Variants in MCCC1 observed in about 807,000 individuals in gnomAD.
The protein encoded by MCCC1 is methylcrotonyl-CoA carboxylase subunit 1, also known as methylcrotonoyl-CoA carboxylase subunit alpha, mitochondrial.
Under a neutral mutation model 83.8 loss-of-function variants are expected in MCCC1, and 64 were observed. The ratio of observed to expected loss-of-function variants is 0.76; its 90% CI spans 0.62 to 0.94. MCCC1 has a LOEUF of 0.94. Among genes scored for constraint, MCCC1 ranks in the 40% least tolerant of loss-of-function variants. The probability of loss-of-function intolerance (pLI) is 0.00; values close to 1 mark genes in which losing one functional copy is unlikely to be tolerated. For synonymous variants in MCCC1, 322 were observed against 315.4 expected, an observed-to-expected ratio of 1.02 and a Z score of -0.22; for missense variants, 807 against 904.7, an observed-to-expected ratio of 0.89 and a Z score of 1.39.
chr3:183,091,541 C>G (rs191402362), intron 3 of MCCC1, among the ~76,000 whole-genome samples: 2 of 152,070 alleles, frequency 1.3e-5, no homozygotes, highest in Non-Finnish European at 2.9e-5. Context: ...ACACTCCAGC[C>G]TGGGCAACAG....
chr3:183,060,682 G>A (rs904636723), intron 7 of MCCC1, among the ~76,000 whole-genome samples: 16 of 151,942 alleles, frequency 1.1e-4, no homozygotes, highest in African/African-American at 3.1e-4. Flanking sequence ...CCATTAACTC[G>A]TCATTTACAT....
Position 183,064,684 on chromosome 3 carries a change from T to G in MCCC1, c.761+6315A>C, listed in dbSNP as rs1202930917. On this transcript the variant is annotated intron_variant, in intron 7 of 18. Transcript: ENST00000265594. The surrounding 1 kb of genome is among the most constrained non-coding windows in gnomAD (Gnocchi z 4.5). ...GCCACACTGCCTCGGCCGACCCACG[T>G]CCTGGCATGGCTGCTGGGCCCACGG... 6.6e-6 allele frequency among the ~76,000 whole-genome samples: 1 copy of G among 152,208 alleles called. No homozygotes were observed. Among genetic ancestry groups the G allele is most frequent in the African/African-American group, 2.4e-5 (1 of 41,466 alleles).
intron 4 of MCCC1, among the ~76,000 whole-genome samples, chr3:183,084,998 G>C (rs1478622138): frequency 6.6e-6 from 1 of 152,130 alleles, no homozygotes; most frequent in Non-Finnish European, 1.5e-5. Context: ...CTTCCCTTAG[G>C]AAAGCACAAA....
chr3:183,114,737 G>A (rs551972149), intron 1 of MCCC1, among the ~76,000 whole-genome samples: 37 of 152,238 alleles, frequency 2.4e-4, no homozygotes, highest in African/African-American at 8.2e-4. Flanking sequence ...AAATTGCCTC[G>A]GTTCTGGAAA....
At chr3:183,076,555 TA>T (rs1297615482) in intron 4 of MCCC1, among the ~76,000 whole-genome samples, 95 of 152,360 alleles carry the variant, frequency 6.2e-4, no homozygotes, top group African/African-American at 2.2e-3. Flanking sequence ...TTGGTCCTAA[TA>T]TGGTAAGAAT....
In MCCC1 at chr3:183,015,385, C is replaced by T. The variant is rs1478332934; in HGVS notation, c.*53G>A. ...CCCAGAAAAGCTGGAGGCACTTCCTCTTTTTGGTGGAGAGAGAAGACACTA... is the reference window on the plus strand; with the variant it reads ...CCCAGAAAAGCTGGAGGCACTTCCTTTTTTTGGTGGAGAGAGAAGACACTA... On this transcript the variant is annotated 3_prime_UTR_variant, in exon 19 of 19. Coordinates refer to ENST00000265594, the MANE Select transcript of MCCC1 (RefSeq NM_020166.5). 26 of 1,609,568 alleles carry T rather than the reference C, an allele frequency of 1.6e-5. No homozygotes were observed. The Admixed American group carries it at 4.3e-4, about 27-fold the overall frequency.
Position 183,057,339 on chromosome 3 carries a change from T to C in MCCC1, c.845A>G (p.His282Arg). 1.2e-6 allele frequency: 2 copies of C among 1,609,346 alleles called. No homozygotes were observed. Among genetic ancestry groups the C allele is most frequent in the South Asian group, 1.1e-5 (1 of 90,018 alleles). ...TGGGGCCTCCTCAATGATCTTCTGA[T>C]GTCGCCTCTGCACACTACAGTCTCT... ...FERDCSVQRR[H>R]QKIIEEAPAP... Residue 282 changes from histidine to arginine, a missense_variant, in exon 8 of 19, where the codon CAT becomes CGT. Transcript: ENST00000265594.
intron 14 of MCCC1, among the ~76,000 whole-genome samples, chr3:183,031,642 C>T (rs1364635621): frequency 1.3e-5 from 2 of 151,576 alleles, no homozygotes; most frequent in African/African-American, 2.4e-5. Context: ...GGACTACAGG[C>T]GCCCACCACC....
At chr3:183,035,705 A>G (rs1017114823) in intron 13 of MCCC1, among the ~76,000 whole-genome samples, 1 of 152,134 alleles carries the variant, frequency 6.6e-6, no homozygotes, top group African/African-American at 2.4e-5. Context: ...TAATATAATA[A>G]TTACCAATAA....
intron 1 of MCCC1, among the ~76,000 whole-genome samples, chr3:183,111,659 T>C (rs1719494505): frequency 6.6e-6 from 1 of 152,106 alleles, no homozygotes; most frequent in African/African-American, 2.4e-5. Flanking sequence ...CTTAGGCCTA[T>C]TGCAGGAAAG....
At chr3:183,085,271 C>G (rs1442131200) in intron 4 of MCCC1, among the ~76,000 whole-genome samples, 1 of 152,080 alleles carries the variant, frequency 6.6e-6, no homozygotes, top group Non-Finnish European at 1.5e-5. Context: ...CCAGAAGCCA[C>G]AGCGATTTTA....
At chr3:183,022,373 T>C (rs1274269947) in intron 16 of MCCC1, 44 bp downstream of exon 16, 2 of 1,607,792 alleles carry the variant, frequency 1.2e-6, no homozygotes, top group Non-Finnish European at 8.5e-7. Flanking sequence ...TCAAACAGTT[T>C]TCTCCCATGC....
Position 183,045,402 on chromosome 3 carries a change from A to G in MCCC1, c.1083+11T>C, listed in dbSNP as rs754939275. 6.2e-7 allele frequency: 1 copy of G among 1,613,746 alleles called. No individual in the cohort carries two copies. Among genetic ancestry groups the G allele is most frequent in the Non-Finnish European group, 8.5e-7 (1 of 1,179,810 alleles). ...GCCAAGGCTGATTTTTAATAGAAAA[A>G]ATATTCTCACTCTAAGCTGCCACTC... On this transcript the variant is annotated intron_variant, in intron 10 of 18. Coordinates refer to ENST00000265594, the MANE Select transcript of MCCC1 (RefSeq NM_020166.5).
intron 13 of MCCC1, among the ~76,000 whole-genome samples, chr3:183,034,462 AAAAAAAAC>A (rs1242950427): frequency 6.6e-6 from 1 of 151,080 alleles, no homozygotes; most frequent in Non-Finnish European, 1.5e-5. Context: ...CTCAAAAAAA[AAAAAAAAC>A]AAAAAAACAC....
At chr3:183,088,718 T>C (rs1718100944) in intron 3 of MCCC1, among the ~76,000 whole-genome samples, 1 of 152,208 alleles carries the variant, frequency 6.6e-6, no homozygotes, top group Non-Finnish European at 1.5e-5. Context: ...CAGTTTTAGT[T>C]CTTGTTTTTA....
intron 7 of MCCC1, among the ~76,000 whole-genome samples, chr3:183,068,845 G>A (rs1716441491): frequency 1.3e-5 from 2 of 152,142 alleles, no homozygotes; most frequent in African/African-American, 4.8e-5. Flanking sequence ...ATACAGTAAC[G>A]TTTGTACAGG....
At chr3:183,073,753 A>C (rs1168452572) in intron 4 of MCCC1, among the ~76,000 whole-genome samples, 2 of 152,224 alleles carry the variant, frequency 1.3e-5, no homozygotes, top group African/African-American at 4.8e-5. Context: ...CTCAACATAC[A>C]TATTTTTTTC....
At chr3:183,096,206 C>T (rs914403842) in intron 1 of MCCC1, among the ~76,000 whole-genome samples, 12 of 151,860 alleles carry the variant, frequency 7.9e-5, no homozygotes, top group East Asian at 3.9e-4. Flanking sequence ...TGTGGTGGTG[C>T]GCACCTGTAA....
chr3:183,020,319 T>C, intron 16 of MCCC1, 82 bp from the exon 17 acceptor site: 1 of 1,150,998 alleles, frequency 8.7e-7, no homozygotes, highest in Non-Finnish European at 1.3e-6. Flanking sequence ...AATAATTGTT[T>C]CCCAGCAATT....
Sources: allele counts gnomAD v4.1 joint callset (sites outside exome capture counted in the v4.1 genomes callset), GRCh38; gene constraint gnomAD v4.1.1; non-coding constraint Gnocchi (gnomAD v3.1); transcripts MANE v1.5; gene names NCBI Gene and HGNC (gene_info 2026-07-23, HGNC 2026-07-21).